GLI2: variants seen among roughly 807,000 people sequenced by gnomAD.
GLI2 encodes GLI family zinc finger 2.
In GLI2, 22 loss-of-function variants were observed where a neutral mutation model predicts 78.9. The ratio of observed to expected loss-of-function variants is 0.28; its 90% CI spans 0.20 to 0.40. GLI2 has a LOEUF of 0.40. Among genes scored for constraint, GLI2 ranks in the 10% least tolerant of loss-of-function variants. The pLI, the probability that GLI2 is intolerant of heterozygous loss-of-function variation, is 1.00. For synonymous variants in GLI2, 974 were observed against 963.7 expected (o/e 1.01, Z -0.20); for missense variants, 2,097 against 2,213.2 (o/e 0.95, Z 1.05).
chr2:120,958,649 T>C (rs948363474), intron 5 of GLI2, among the ~76,000 whole-genome samples: 8 of 152,126 alleles, frequency 5.3e-5, no homozygotes, highest in Non-Finnish European at 1.2e-4. Context: ...CCTCTCCAGC[T>C]CATCTCTCTC....
chr2:120,798,253 G>A (rs924574465), intron 2 of GLI2, among the ~76,000 whole-genome samples: 9 of 152,214 alleles, frequency 5.9e-5, no homozygotes, highest in African/African-American at 4.8e-5. Context: ...CTTTTCTTCC[G>A]GCGGGCGCTT....
chr2:120,740,119 C>A (rs1448997994), intron 1 of GLI2, among the ~76,000 whole-genome samples: 1 of 151,712 alleles, frequency 6.6e-6, no homozygotes, highest in African/African-American at 2.4e-5. Context: ...AAAAAAAAAT[C>A]ATTGATTATT....
chr2:120,862,867 G>T (rs1181351551), intron 2 of GLI2, among the ~76,000 whole-genome samples: 2 of 152,192 alleles, frequency 1.3e-5, no homozygotes, highest in African/African-American at 2.4e-5. Flanking sequence ...GTGGCAAATT[G>T]TACTTTGTGT....
At chr2:120,985,986 G>T (rs1206451836) in intron 12 of GLI2, among the ~76,000 whole-genome samples, 2 of 152,228 alleles carry the variant, frequency 1.3e-5, no homozygotes, top group African/African-American at 4.8e-5. Flanking sequence ...GTGCCATACT[G>T]GGTGCCTTCT....
chr2:120,963,769 G>A (rs1681706179), intron 5 of GLI2, among the ~76,000 whole-genome samples: 1 of 152,256 alleles, frequency 6.6e-6, no homozygotes, highest in African/African-American at 2.4e-5. Context: ...TGTACCTTGG[G>A]CAAGTTACTT....
Position 120,927,455 on chromosome 2 carries a change from C to A in GLI2, c.243C>A (p.His81Gln). The stretch of plus-strand genomic sequence containing the variant: ...ACCATTACGAGCCTCATTCTGTCCA[C>A]GGTGTGCACGGGTAAGTCCTGCCCT... ...GRYHYEPHSV[H>Q]GVHGPPALSG... Residue 81 changes from histidine to glutamine, a missense_variant, in exon 3 of 14, where the codon CAC becomes CAA. By Grantham distance (24) the His-to-Gln change is conservative. Coordinates refer to ENST00000361492, the MANE Select transcript of GLI2 (RefSeq NM_001374353.1). 2 of 1,609,590 alleles carry A rather than the reference C, an allele frequency of 1.2e-6. No homozygotes were observed. Among genetic ancestry groups the A allele is most frequent in the Non-Finnish European group, 1.7e-6 (2 of 1,175,800 alleles).
At chr2:120,796,346 T>C (rs1001895918) in intron 1 of GLI2, among the ~76,000 whole-genome samples, 8 of 152,174 alleles carry the variant, frequency 5.3e-5, no homozygotes, top group African/African-American at 9.7e-5. Context: ...CCTGGGTCAC[T>C]GCAGTAGCCT....
In GLI2 at chr2:120,737,329, CTT is replaced by C. The variant is rs1433390293; in HGVS notation, c.-31+1047_-31+1048del. On this transcript the variant is annotated intron_variant, in intron 1 of 13. Transcript: ENST00000361492. This position sits in a 1 kb window ranked among gnomAD's most constrained non-coding sequence, Gnocchi z 4.3. ...TGCTGTCATTTCCTAGGAAACCCGA[CTT>C]TTACCGCGCGGGGAGCTGGGGATGG... Among the ~76,000 whole-genome samples, 1 of 152,112 alleles carries C rather than the reference CTT, an allele frequency of 6.6e-6. No individual in the cohort carries two copies.
chr2:120,974,823 G>A (rs1012903431), intron 8 of GLI2, 152 bp from the exon 9 acceptor site: 10 of 990,686 alleles, frequency 1.0e-5, no homozygotes, highest in African/African-American at 1.6e-5. Flanking sequence ...TGTGTTGTGT[G>A]TGTGCACACA....
At chr2:120,900,341 A>C (rs1678192517) in intron 2 of GLI2, among the ~76,000 whole-genome samples, 1 of 152,206 alleles carries the variant, frequency 6.6e-6, no homozygotes, top group South Asian at 2.1e-4. Context: ...CTGAATCCAC[A>C]GGTCCAGGAT....
intron 1 of GLI2, among the ~76,000 whole-genome samples, chr2:120,751,166 A>G (rs1682860775): frequency 6.6e-6 from 1 of 152,252 alleles, no homozygotes; most frequent in Non-Finnish European, 1.5e-5. Flanking sequence ...AGGGCCCCGG[A>G]AGGATCCCTT....
Position 120,737,052 on chromosome 2 carries a change from A to C in GLI2, c.-31+767A>C, listed in dbSNP as rs1682385899. ...TCCCCACCCCCGACAATCTCTCAAC[A>C]AGTATATTTGCTGAGGAATTTGAAA... On this transcript the variant is annotated intron_variant, in intron 1 of 13. Transcript: ENST00000361492. This position sits in a 1 kb window ranked among gnomAD's most constrained non-coding sequence, Gnocchi z 4.3. Among the ~76,000 whole-genome samples, 2 of 151,640 alleles carry C rather than the reference A, an allele frequency of 1.3e-5. No homozygotes were observed. Among genetic ancestry groups the C allele is most frequent in the Admixed American group, 6.6e-5 (1 of 15,256 alleles).
intron 1 of GLI2, among the ~76,000 whole-genome samples, chr2:120,767,097 T>C (rs1327480734): frequency 3.9e-5 from 6 of 152,194 alleles, no homozygotes; most frequent in Admixed American, 3.9e-4. Context: ...CCGACAGACA[T>C]ACAGCAGGCT....
chr2:120,950,540 C>T (rs1009690210), intron 3 of GLI2, among the ~76,000 whole-genome samples: 1 of 152,182 alleles, frequency 6.6e-6, no homozygotes, highest in Non-Finnish European at 1.5e-5. Flanking sequence ...CCAGCCCAAG[C>T]CAGCGGCACC....
intron 2 of GLI2, among the ~76,000 whole-genome samples, chr2:120,881,966 T>C (rs1558854731): frequency 1.3e-5 from 2 of 152,000 alleles, no homozygotes; most frequent in African/African-American, 4.8e-5. Flanking sequence ...TGGCAACGAA[T>C]GGTCCAGGTC....
Position 120,990,149 on chromosome 2 carries a change from C to T in GLI2, c.4184C>T (p.Thr1395Ile), listed in dbSNP as rs763722028. 1.1e-5 allele frequency: 17 copies of T among 1,610,852 alleles called. 1 individual carries two copies. In the South Asian group the frequency reaches 1.5e-4, roughly 15 times the overall value. Residue 1395 changes from threonine to isoleucine, a missense_variant, in exon 14 of 14, where the codon ACA (threonine) becomes ATA (isoleucine). Transcript: ENST00000361492. The stretch of plus-strand genomic sequence containing the variant: ...GCTGCCATGCCGTCCAGTCAGGAAA[C>T]AGCAGAGGCTGTGCCCAAGGGAGCG... ...AMAAMPSSQE[T>I]AEAVPKGAMG...
chr2:120,925,884 A>C (rs1326989492), intron 2 of GLI2, among the ~76,000 whole-genome samples: 1 of 151,828 alleles, frequency 6.6e-6, no homozygotes, highest in Non-Finnish European at 1.5e-5. Context: ...CATCCTGGCT[A>C]ACACGGTGAA....
chr2:120,753,043 G>A (rs2104634736), intron 1 of GLI2, among the ~76,000 whole-genome samples: 1 of 150,832 alleles, frequency 6.6e-6, no homozygotes, highest in South Asian at 2.1e-4. Context: ...TAGAACTTCT[G>A]GGTGTAAAAC....
intron 2 of GLI2, among the ~76,000 whole-genome samples, chr2:120,847,234 C>A (rs1480731391): frequency 6.6e-6 from 1 of 151,888 alleles, no homozygotes; most frequent in African/African-American, 2.4e-5. Flanking sequence ...GTGCTGAGGG[C>A]TCGTCATCCT....
Sources: gnomAD v4.1 joint callset for allele counts (sites outside exome capture counted in the v4.1 genomes callset) on GRCh38, gnomAD v4.1.1 for gene constraint, Gnocchi (gnomAD v3.1) non-coding constraint, MANE v1.5 for transcripts, NCBI Gene and HGNC (gene_info 2026-07-23, HGNC 2026-07-21) for gene names.